FER: variants seen among roughly 807,000 people sequenced by gnomAD.
FER encodes the protein tyrosine-protein kinase Fer.
FER carries 63 observed loss-of-function variants against 111.0 expected under a neutral mutation model. The ratio of observed to expected loss-of-function variants is 0.57; its 90% confidence interval spans 0.46 to 0.70. The LOEUF (loss-of-function observed/expected upper bound fraction) is 0.70, where lower values mean the gene tolerates loss of function less well. FER is among the 30% of genes least tolerant of loss of function. The pLI is 0.00. For missense variants in FER, 914 were observed against 954.0 expected (o/e 0.96, Z 0.55); for synonymous variants, 327 against 313.9 (o/e 1.04, Z -0.44).
intron 13 of FER, among the ~76,000 whole-genome samples, chr5:108,993,008 TC>T (rs1763455047): frequency 6.8e-6 from 1 of 147,604 alleles, no homozygotes; most frequent in South Asian, 2.2e-4. Flanking sequence ...GCTCCTCACT[TC>T]CTAGATGGGA....
chr5:108,906,996 A>G (rs998084895), intron 10 of FER, among the ~76,000 whole-genome samples: 10 of 152,114 alleles, frequency 6.6e-5, no homozygotes, highest in African/African-American at 2.4e-4. Flanking sequence ...TTGGAGTCAC[A>G]TTATCCTGGG....
At position 108,953,736 on chromosome 5, in the gene FER, TATTA is replaced by T. The variant is rs1758059631; in HGVS notation, c.1330-989_1330-986del. Reference sequence around the variant, plus strand: ...ATATGAATATTTGCCTTTCGTTTATTATTAATTCTGATTTTTCCAATTTATAAAT... The same window carrying T: ...ATATGAATATTTGCCTTTCGTTTATTATTCTGATTTTTCCAATTTATAAAT... On this transcript the variant is annotated intron_variant, in intron 11 of 19. Transcript: ENST00000281092. 2.0e-5 allele frequency among the ~76,000 whole-genome samples: 3 copies of T among 152,264 alleles called. No homozygotes were observed. In the South Asian group the frequency reaches 6.2e-4, roughly 32 times the overall value.
At chr5:109,068,082 G>C (rs1221050611) in intron 16 of FER, among the ~76,000 whole-genome samples, 1 of 151,642 alleles carries the variant, frequency 6.6e-6, no homozygotes, top group Non-Finnish European at 1.5e-5. Flanking sequence ...TTGTATTCCA[G>C]AATACTCGAT....
chr5:109,176,899 T>C lies in FER; in HGVS notation c.2049-3848T>C, dbSNP rs573847092. On this transcript the variant is annotated intron_variant, in intron 17 of 19. Coordinates refer to ENST00000281092, the MANE Select transcript of FER (RefSeq NM_005246.4). The stretch of plus-strand genomic sequence containing the variant: ...TTTTCTGAAGGACATCAAATGATAT[T>C]AGAATAAATGTCAGAACAAGAAATG... Among the ~76,000 whole-genome samples, 15 of 152,334 alleles carry C rather than the reference T, an allele frequency of 9.8e-5. No individual in the cohort carries two copies. In the East Asian group the frequency reaches 2.9e-3, roughly 29 times the overall value.
rs1300639078 is a variant in FER at position 108,924,916 on chromosome 5, C to T, written c.1237-21214C>T. 7 of 732,586 alleles carry T rather than the reference C, an allele frequency of 9.6e-6. No homozygotes were observed. In the African/African-American group the frequency reaches 1.3e-4, roughly 13 times the overall value. The allele number at this position is 732,586 out of a possible 1,614,324, so 45.4% of individuals were successfully genotyped here. A position where few individuals can be genotyped will look rare whatever the true frequency, so the allele number is the denominator to read the frequency against. The stretch of plus-strand genomic sequence containing the variant: ...GGATAATTTCTCTTGACTTCTGAAT[C>T]TGGTGGTAAACAAAATTCTTTTGAA... On this transcript the variant is annotated intron_variant, in intron 10 of 19. Coordinates refer to ENST00000281092, the MANE Select transcript of FER (RefSeq NM_005246.4).
At chr5:108,823,185 G>A (rs1004575927) in intron 3 of FER, among the ~76,000 whole-genome samples, 3 of 152,166 alleles carry the variant, frequency 2.0e-5, no homozygotes, top group East Asian at 1.9e-4. Context: ...AAACTTTAAC[G>A]TGAGTTTTGG....
chr5:108,777,812 CTG>C (rs1241264826), intron 2 of FER, among the ~76,000 whole-genome samples: 1 of 152,178 alleles, frequency 6.6e-6, no homozygotes, highest in Middle Eastern at 3.2e-3. Context: ...GAGAGAGCTT[CTG>C]TAGAGAAACT....
At chr5:108,812,556 G>A (rs1757872536) in intron 3 of FER, among the ~76,000 whole-genome samples, 1 of 152,048 alleles carries the variant, frequency 6.6e-6, no homozygotes, top group Admixed American at 6.6e-5. Flanking sequence ...ATTTCATTTA[G>A]TGTGATTATT....
chr5:109,102,492 A>G (rs1207292307), intron 17 of FER, among the ~76,000 whole-genome samples: 4 of 152,182 alleles, frequency 2.6e-5, no homozygotes, highest in African/African-American at 9.7e-5. Context: ...CACATCTGCC[A>G]GGGTACTCAC....
At chr5:108,831,589 A>C (rs1760053428) in intron 3 of FER, among the ~76,000 whole-genome samples, 1 of 152,178 alleles carries the variant, frequency 6.6e-6, no homozygotes, top group South Asian at 2.1e-4. Context: ...CACAACTAAA[A>C]ATAGTCCCCT....
chr5:109,165,581 G>A (rs1360688881), intron 17 of FER, among the ~76,000 whole-genome samples: 2 of 149,600 alleles, frequency 1.3e-5, no homozygotes, highest in East Asian at 4.1e-4. Context: ...ACACAGGTGG[G>A]AGGAGGGAAC....
chr5:109,073,723 A>G (rs1205332447), intron 16 of FER, among the ~76,000 whole-genome samples: 2 of 152,056 alleles, frequency 1.3e-5, no homozygotes, highest in Non-Finnish European at 2.9e-5. Flanking sequence ...AAATTCATGC[A>G]TACTCAGGTT....
chr5:108,899,263 G>T (rs1360771594), intron 10 of FER, among the ~76,000 whole-genome samples: 1 of 152,148 alleles, frequency 6.6e-6, no homozygotes, highest in Non-Finnish European at 1.5e-5. Flanking sequence ...TGTGAATTAT[G>T]AATCCTTGCA....
At chr5:109,026,026 A>C (rs892696270) in intron 13 of FER, among the ~76,000 whole-genome samples, 5 of 152,180 alleles carry the variant, frequency 3.3e-5, no homozygotes, top group Non-Finnish European at 5.9e-5. Context: ...GAGACATTCT[A>C]AAGTTGAGAT....
intron 13 of FER, among the ~76,000 whole-genome samples, chr5:108,966,090 A>G (rs983117410): frequency 2.0e-5 from 3 of 152,204 alleles, no homozygotes; most frequent in South Asian, 2.1e-4. Context: ...CTGATGTTCC[A>G]TAAATGATAC....
intron 5 of FER, among the ~76,000 whole-genome samples, chr5:108,837,535 C>G (rs553113434): frequency 2.6e-5 from 4 of 152,262 alleles, no homozygotes; most frequent in South Asian, 4.1e-4. Context: ...CCATATCTAA[C>G]TTCACCCACA....
At chr5:108,929,963 A>T (rs1754329230) in intron 10 of FER, among the ~76,000 whole-genome samples, 1 of 152,172 alleles carries the variant, frequency 6.6e-6, no homozygotes, top group South Asian at 2.1e-4. Flanking sequence ...AGTGCCTTTT[A>T]GTTCCAAGGT....
chr5:108,829,498 A>T (rs915069497), intron 3 of FER, among the ~76,000 whole-genome samples: 1 of 152,098 alleles, frequency 6.6e-6, no homozygotes. Flanking sequence ...AATTAGCTGG[A>T]CATAGTGGTG....
chr5:108,750,781 C>A (rs577491038), intron 1 of FER, among the ~76,000 whole-genome samples: 2 of 152,278 alleles, frequency 1.3e-5, no homozygotes, highest in African/African-American at 2.4e-5. Context: ...AAATTTCAAA[C>A]AATGCAGAAG....
Sources: allele counts gnomAD v4.1 joint callset (sites outside exome capture counted in the v4.1 genomes callset), GRCh38; gene constraint gnomAD v4.1.1; transcripts MANE v1.5; gene names NCBI Gene and HGNC (gene_info 2026-07-23, HGNC 2026-07-21).